FAM117A: variants seen among roughly 807,000 people sequenced by gnomAD.
The protein encoded by FAM117A is protein FAM117A.
In FAM117A, 21 loss-of-function variants were observed where a neutral mutation model predicts 44.1. That is an observed-to-expected ratio of 0.48 (90% CI 0.34 to 0.69). FAM117A has a LOEUF of 0.69. Ranked by LOEUF, FAM117A falls within the 30% of genes least tolerant of loss-of-function variation. FAM117A has a pLI of 0.01. For synonymous variants in FAM117A, 220 were observed against 238.3 expected, an observed-to-expected ratio of 0.92 and a Z score of 0.71; for missense variants, 498 against 589.9, an observed-to-expected ratio of 0.84 and a Z score of 1.61.
intron 2 of FAM117A, among the ~76,000 whole-genome samples, chr17:49,726,108 C>T (rs1006308679): frequency 2.6e-5 from 4 of 152,228 alleles, no homozygotes; most frequent in Non-Finnish European, 5.9e-5. Flanking sequence ...TAATACATTT[C>T]TGTGGTATTA....
At chr17:49,773,955 T>C (rs1598038144) in intron 1 of FAM117A, among the ~76,000 whole-genome samples, 2 of 152,278 alleles carry the variant, frequency 1.3e-5, no homozygotes, top group East Asian at 1.9e-4. Flanking sequence ...GATTTTTCCA[T>C]GTTGGTCAGG....
intron 1 of FAM117A, among the ~76,000 whole-genome samples, chr17:49,740,286 C>T (rs2073627993): frequency 6.6e-6 from 1 of 150,864 alleles, no homozygotes; most frequent in Admixed American, 6.6e-5. Flanking sequence ...CTCACTCTGT[C>T]CCTCAGGCTG....
At chr17:49,716,126 ACCCTC>A in intron 7 of FAM117A, 34 bp downstream of exon 7, 1 of 1,053,950 alleles carries the variant, frequency 9.5e-7, no homozygotes, top group Non-Finnish European at 1.4e-6. Flanking sequence ...ATGTAGGCCC[ACCCTC>A]CCCTCCCACA....
upstream of FAM117A, chr17:49,788,931 T>C: frequency 7.6e-7 from 1 of 1,321,362 alleles, no homozygotes. Context: ...CGCCTCACAG[T>C]GCTTGGGTCC....
chr17:49,717,083 G>A (rs1275288699), intron 6 of FAM117A, among the ~76,000 whole-genome samples: 1 of 152,060 alleles, frequency 6.6e-6, no homozygotes, highest in Non-Finnish European at 1.5e-5. Context: ...AAAAAAAAAT[G>A]AGTTTTGGTC....
At chr17:49,719,615 A>G (rs2073523591) in intron 5 of FAM117A, 145 bp downstream of exon 5, 3 of 1,015,358 alleles carry the variant, frequency 3.0e-6, no homozygotes, top group Non-Finnish European at 4.2e-6. Flanking sequence ...CTCCATTTGC[A>G]TTCCTTTTGC....
intron 1 of FAM117A, among the ~76,000 whole-genome samples, chr17:49,757,727 T>C (rs1014577441): frequency 2.0e-5 from 3 of 152,186 alleles, no homozygotes; most frequent in Admixed American, 1.3e-4. Flanking sequence ...TTTGACCTAA[T>C]AATGTGAGTA....
intron 7 of FAM117A, among the ~76,000 whole-genome samples, chr17:49,714,845 C>G (rs2073494976): frequency 6.6e-6 from 1 of 151,880 alleles, no homozygotes; most frequent in Non-Finnish European, 1.5e-5. Context: ...AGGGTCTTGC[C>G]ATGTTGGACC....
In FAM117A at chr17:49,737,981, GCTT is replaced by G. The variant is rs370706418; in HGVS notation, c.197-5264_197-5262del. The stretch of plus-strand genomic sequence containing the variant: ...AGGATGAATTGCTTTTGTATTAATA[GCTT>G]CTTTTTAGCACCTAATGGAGGAGAT... On this transcript the variant is annotated intron_variant, in intron 1 of 7. Transcript: ENST00000240364. Among the ~76,000 whole-genome samples, 889 of 152,304 alleles carry G rather than the reference GCTT, an allele frequency of 5.8e-3. 5 individuals are homozygous for G. Among genetic ancestry groups the G allele is most frequent in the Middle Eastern group, 0.01 (3 of 294 alleles).
Position 49,740,416 on chromosome 17 carries a change from A to AT in FAM117A, c.197-7697dup, listed in dbSNP as rs573293418. 7.3e-3 allele frequency among the ~76,000 whole-genome samples: 1,115 copies of AT among 152,130 alleles called. 6 individuals carry two copies. Among genetic ancestry groups the AT allele is most frequent in the Non-Finnish European group, 0.012 (810 of 67,982 alleles). On this transcript the variant is annotated intron_variant, in intron 1 of 7. Transcript: ENST00000240364. ...AGGCGCCCACCACCGCGCCCGGCTA[A>AT]TTTTTTGTATTTTTAGTAGAGACGG... is the stretch of plus-strand genomic sequence containing the variant.
intron 1 of FAM117A, among the ~76,000 whole-genome samples, chr17:49,769,623 T>C (rs920966469): frequency 2.0e-5 from 3 of 151,788 alleles, no homozygotes; most frequent in South Asian, 4.2e-4. Flanking sequence ...GAGAATGGCG[T>C]GAACCCAGGA....
At chr17:49,748,015 G>T (rs2073660393) in intron 1 of FAM117A, among the ~76,000 whole-genome samples, 1 of 152,116 alleles carries the variant, frequency 6.6e-6, no homozygotes, top group Non-Finnish European at 1.5e-5. Flanking sequence ...AATATATGCT[G>T]ACAGCTTCAT....
intron 1 of FAM117A, among the ~76,000 whole-genome samples, chr17:49,735,192 A>G (rs544393241): frequency 2.0e-4 from 31 of 152,284 alleles, no homozygotes; most frequent in Admixed American, 3.9e-4. Context: ...AAAAAAAAGG[A>G]CACTAACTGA....
In FAM117A at chr17:49,732,718, T is replaced by C. The variant is rs993734010; in HGVS notation, c.199A>G (p.Ser67Gly). The C allele has an allele frequency of 6.2e-7, 1 of 1,612,680 alleles. No individual in the cohort carries two copies. Among genetic ancestry groups the C allele is most frequent in the African/African-American group, 1.3e-5 (1 of 74,878 alleles). ...QRRDGGGRAA[S>G]VPCSVAPEKS... ...TCTGGGGCCACCGAGCATGGGACGCTGGCTGCAAGAGAACACAGCCCGCAC... is the reference window on the plus strand; with the variant it reads ...TCTGGGGCCACCGAGCATGGGACGCCGGCTGCAAGAGAACACAGCCCGCAC... The change falls in exon 2 of 8, where the codon AGC becomes GGC. Residue 67 changes from serine to glycine, a missense_variant and splice_region_variant. Transcript: ENST00000240364.
chr17:49,765,627 T>A (rs1264343470), upstream of FAM117A: 1 of 152,216 alleles, frequency 6.6e-6, no homozygotes, highest in Non-Finnish European at 1.5e-5. Context: ...TTTGAAGGAT[T>A]TACTTCAAGA....
At chr17:49,721,561 C>G (rs1447312461) in intron 3 of FAM117A, among the ~76,000 whole-genome samples, 1 of 152,226 alleles carries the variant, frequency 6.6e-6, no homozygotes. Flanking sequence ...TCATTGTTCT[C>G]AGCAATAGAG....
intron 6 of FAM117A, among the ~76,000 whole-genome samples, chr17:49,717,106 T>C (rs952193827): frequency 1.3e-5 from 2 of 152,206 alleles, no homozygotes; most frequent in African/African-American, 4.8e-5. Context: ...GGTCAAACTA[T>C]GCAACCCTGG....
At chr17:49,754,894 T>C (rs1370950453) in intron 1 of FAM117A, among the ~76,000 whole-genome samples, 1 of 151,480 alleles carries the variant, frequency 6.6e-6, no homozygotes, top group Non-Finnish European at 1.5e-5. Context: ...CAAAAATAGC[T>C]GGGCATGGTG....
intron 1 of FAM117A, among the ~76,000 whole-genome samples, chr17:49,736,206 T>C (rs1045911218): frequency 6.6e-6 from 1 of 152,184 alleles, no homozygotes; most frequent in East Asian, 1.9e-4. Context: ...ATAAAACACA[T>C]CATTTTAAAT....
Sources: gnomAD v4.1 joint callset for allele counts (sites outside exome capture counted in the v4.1 genomes callset) on GRCh38, gnomAD v4.1.1 for gene constraint, MANE v1.5 for transcripts, NCBI Gene and HGNC (gene_info 2026-07-23, HGNC 2026-07-21) for gene names.